ADGRL4: variants seen among roughly 807,000 people sequenced by gnomAD.
ADGRL4 encodes adhesion G protein-coupled receptor L4, also known as EGF, latrophilin and seven transmembrane domain containing 1.
In ADGRL4, 90 loss-of-function variants were observed where a neutral mutation model predicts 74.8. That is an observed-to-expected ratio of 1.20 (90% CI 1.02 to 1.43). ADGRL4 has a LOEUF of 1.43. Among genes scored for constraint, ADGRL4 ranks in the 40% most tolerant of loss-of-function variants. ADGRL4 has a pLI of 0.00. For missense variants in ADGRL4, 881 were observed against 814.3 expected (o/e 1.08, Z -1.00); for synonymous variants, 311 against 279.2 (o/e 1.11, Z -1.14).
At chr1:78,978,185 C>T (rs1027811186) in intron 2 of ADGRL4, among the ~76,000 whole-genome samples, 4 of 151,852 alleles carry the variant, frequency 2.6e-5, no homozygotes, top group Middle Eastern at 3.2e-3. Flanking sequence ...ATTCCAGTTA[C>T]CTTTCAATTA....
chr1:78,973,924 T>A (rs1650226161), intron 2 of ADGRL4, among the ~76,000 whole-genome samples: 1 of 152,110 alleles, frequency 6.6e-6, no homozygotes, highest in Non-Finnish European at 1.5e-5. Flanking sequence ...TTGGTAGTTA[T>A]GGGCTTTACT....
intron 2 of ADGRL4, among the ~76,000 whole-genome samples, chr1:78,993,476 C>T (rs1220415466): frequency 2.0e-5 from 3 of 151,922 alleles, no homozygotes; most frequent in South Asian, 2.1e-4. Context: ...AAATGTGAGA[C>T]AAGCATTATG....
intron 6 of ADGRL4, 116 bp from the exon 7 acceptor site, chr1:78,936,527 A>G (rs1004044843): frequency 8.6e-6 from 8 of 931,798 alleles, no homozygotes. Context: ...ATTATTTATA[A>G]CAAGTAGAGT....
intron 2 of ADGRL4, among the ~76,000 whole-genome samples, chr1:78,948,430 T>G (rs114393043): frequency 0.011 from 1,669 of 152,074 alleles, 37 homozygotes; most frequent in East Asian, 0.042. Context: ...TTTAAAAAAT[T>G]TTAAAAGCAT....
At chr1:78,918,087 G>C (rs747482293) in intron 10 of ADGRL4, 37 bp from the exon 11 acceptor site, 3 of 1,504,316 alleles carry the variant, frequency 2.0e-6, no homozygotes, top group African/African-American at 2.8e-5. Flanking sequence ...CATTGTCAGT[G>C]TTTGTTTTAA....
At chr1:78,914,679 C>T (rs1156917181) in intron 12 of ADGRL4, among the ~76,000 whole-genome samples, 2 of 151,576 alleles carry the variant, frequency 1.3e-5, no homozygotes, top group Non-Finnish European at 2.9e-5. Flanking sequence ...AATTTACATG[C>T]CATAGCTTTT....
chr1:78,928,720 A>C (rs1649170315), intron 7 of ADGRL4, among the ~76,000 whole-genome samples: 1 of 151,492 alleles, frequency 6.6e-6, no homozygotes, highest in Admixed American at 6.6e-5. Context: ...TAGAATTAAT[A>C]CCTATATATA....
intron 2 of ADGRL4, among the ~76,000 whole-genome samples, chr1:79,002,395 A>G (rs1393292844): frequency 1.3e-5 from 2 of 152,146 alleles, no homozygotes; most frequent in Admixed American, 1.3e-4. Flanking sequence ...GCTGAAACCT[A>G]GAAGTTGAAC....
At chr1:79,001,975 T>C (rs1040349312) in intron 2 of ADGRL4, among the ~76,000 whole-genome samples, 8 of 152,134 alleles carry the variant, frequency 5.3e-5, no homozygotes, top group Non-Finnish European at 7.4e-5. Context: ...AATTGCATTA[T>C]GAATATATTT....
rs1461670759 is a variant in ADGRL4 at position 78,920,376 on chromosome 1, T to C, written c.1268A>G (p.Asp423Gly). 2 of 1,572,038 alleles carry C rather than the reference T, an allele frequency of 1.3e-6. No individual in the cohort carries two copies. The highest frequency in any genetic ancestry group is 2.7e-5 in the African/African-American group (2 of 73,828). ...MSSGPSIGIK[D>G]YNILTRITQL... Reference sequence around the variant, plus strand: ...AGTGATCCTTGTAAGAATATTATAATCTTTAATACCCTAAGGGAAAATAAT... The same window carrying C: ...AGTGATCCTTGTAAGAATATTATAACCTTTAATACCCTAAGGGAAAATAAT... The change falls in exon 10 of 15, where the codon GAT (aspartate) becomes GGT (glycine). Residue 423 changes from aspartate (D) to glycine (G), a missense_variant. Asp to Gly is a moderately conservative substitution (Grantham distance 94). Transcript: ENST00000370742.
rs1249714478 is a variant in ADGRL4 at position 79,004,645 on chromosome 1, T to C, written c.172+425A>G. ...AATCTCTTAATATCATCTCCAAATA[T>C]AGGCGGTCAAGTACCTGTATATGTG... is the stretch of plus-strand genomic sequence containing the variant. On this transcript the variant is annotated intron_variant, in intron 2 of 14. Coordinates refer to ENST00000370742, the MANE Select transcript of ADGRL4 (RefSeq NM_022159.4). Among the ~76,000 whole-genome samples the C allele has an allele frequency of 5.3e-5, 8 of 152,238 alleles. No individual in the cohort carries two copies. In the South Asian group the frequency reaches 1.2e-3, roughly 24 times the overall value.
chr1:78,907,067 T>A (rs1198079546), intron 12 of ADGRL4, among the ~76,000 whole-genome samples: 1 of 152,042 alleles, frequency 6.6e-6, no homozygotes, highest in Non-Finnish European at 1.5e-5. Flanking sequence ...TCCATATTGC[T>A]TTTGAAAACT....
chr1:78,913,425 G>A (rs761038423), intron 12 of ADGRL4, among the ~76,000 whole-genome samples: 71 of 151,998 alleles, frequency 4.7e-4, no homozygotes, highest in Non-Finnish European at 6.2e-4. Context: ...CATATACACC[G>A]TGGAATACTA....
chr1:78,995,234 T>A (rs1369937415), intron 2 of ADGRL4, among the ~76,000 whole-genome samples: 1 of 152,180 alleles, frequency 6.6e-6, no homozygotes, highest in Non-Finnish European at 1.5e-5. Flanking sequence ...CTCTCACTGA[T>A]CATATGACAT....
rs571196616 is a variant in ADGRL4 at position 78,978,136 on chromosome 1, T to G, written c.172+26934A>C. 3.9e-5 allele frequency among the ~76,000 whole-genome samples: 6 copies of G among 152,012 alleles called. No homozygotes were observed. In the East Asian group the frequency reaches 5.8e-4, roughly 15 times the overall value. On this transcript the variant is annotated intron_variant, in intron 2 of 14. Coordinates refer to ENST00000370742, the MANE Select transcript of ADGRL4 (RefSeq NM_022159.4). ...GCATCTAATATAATAGGATTTCCACTTGGCTCTTTCACCCTAAATCATGTA... is the reference window on the plus strand; with the variant it reads ...GCATCTAATATAATAGGATTTCCACGTGGCTCTTTCACCCTAAATCATGTA...
intron 7 of ADGRL4, among the ~76,000 whole-genome samples, chr1:78,935,476 T>A (rs899827308): frequency 6.6e-6 from 1 of 151,674 alleles, no homozygotes; most frequent in Non-Finnish European, 1.5e-5. Flanking sequence ...GGCTCACGTA[T>A]AACTGTGTAA....
At chr1:78,916,034 G>A (rs1299620809) in intron 12 of ADGRL4, among the ~76,000 whole-genome samples, 2 of 151,716 alleles carry the variant, frequency 1.3e-5, no homozygotes, top group Non-Finnish European at 1.5e-5. Flanking sequence ...GAGATAAATT[G>A]GCTCACTAGC....
intron 2 of ADGRL4, among the ~76,000 whole-genome samples, chr1:79,000,207 T>C (rs1305322381): frequency 1.3e-5 from 2 of 152,146 alleles, no homozygotes; most frequent in African/African-American, 4.8e-5. Flanking sequence ...TGAACAAAAA[T>C]TTTAATTAGG....
chr1:78,993,340 A>G (rs1650646609), intron 2 of ADGRL4, among the ~76,000 whole-genome samples: 2 of 152,240 alleles, frequency 1.3e-5, no homozygotes, highest in African/African-American at 4.8e-5. Context: ...AAAGTCTTTC[A>G]CCTTTACACC....
Sources: gnomAD v4.1 joint callset for allele counts (sites outside exome capture counted in the v4.1 genomes callset) on GRCh38, gnomAD v4.1.1 for gene constraint, MANE v1.5 for transcripts, NCBI Gene and HGNC (gene_info 2026-07-23, HGNC 2026-07-21) for gene names.